The following IGSF11 variants were observed in gnomAD, a reference collection of about 807,000 sequenced individuals.
The protein encoded by IGSF11 is immunoglobulin superfamily member 11.
IGSF11 carries 22 observed loss-of-function variants against 41.0 expected under a neutral mutation model. The observed-to-expected ratio is 0.54, with a 90% CI of 0.38 to 0.77. The LOEUF is 0.77. Ranked by LOEUF, IGSF11 falls within the 30% of genes least tolerant of loss-of-function variation. The pLI is 0.00. For synonymous variants in IGSF11, 219 were observed against 201.3 expected (o/e 1.09, Z -0.74); for missense variants, 444 against 530.8 (o/e 0.84, Z 1.61).
At chr3:119,114,735 C>A (rs1442110940) in intron 1 of IGSF11, among the ~76,000 whole-genome samples, 1 of 152,192 alleles carries the variant, frequency 6.6e-6, no homozygotes, top group South Asian at 2.1e-4. Context: ...TTCAAAGTTG[C>A]TTCCACATTT....
intron 1 of IGSF11, among the ~76,000 whole-genome samples, chr3:119,056,717 G>C (rs188432316): frequency 2.0e-5 from 3 of 152,178 alleles, no homozygotes; most frequent in Admixed American, 6.5e-5. Context: ...CATGCAAAAA[G>C]TCTCAATAAA....
At chr3:118,999,874 G>A (rs1230775688) in intron 1 of IGSF11, among the ~76,000 whole-genome samples, 2 of 151,972 alleles carry the variant, frequency 1.3e-5, no homozygotes, top group African/African-American at 4.8e-5. Flanking sequence ...AACAAAGCAA[G>A]ATGACTAGAG....
At chr3:119,068,364 T>C (rs2107462850) in intron 1 of IGSF11, among the ~76,000 whole-genome samples, 1 of 152,312 alleles carries the variant, frequency 6.6e-6, no homozygotes, top group East Asian at 1.9e-4. Flanking sequence ...GAAAACTTCA[T>C]AGCAAAGAAA....
chr3:118,972,284 C>T (rs1933535688), intron 1 of IGSF11, among the ~76,000 whole-genome samples: 1 of 152,110 alleles, frequency 6.6e-6, no homozygotes, highest in South Asian at 2.1e-4. Flanking sequence ...AGTACTGTAA[C>T]CTAAAAAGCA....
intron 1 of IGSF11, among the ~76,000 whole-genome samples, chr3:118,983,748 A>C (rs1372920665): frequency 6.6e-6 from 1 of 152,200 alleles, no homozygotes; most frequent in African/African-American, 2.4e-5. Flanking sequence ...GAGCCTAAGC[A>C]ATTTTCCACT....
intron 4 of IGSF11, among the ~76,000 whole-genome samples, chr3:118,918,570 C>T (rs201860331): frequency 0.068 from 9,015 of 131,796 alleles, 176 homozygotes; most frequent in East Asian, 0.098. Context: ...AGGACCTCTT[C>T]GAGGAGAACT....
intron 4 of IGSF11, among the ~76,000 whole-genome samples, chr3:118,912,861 C>T (rs1940510424): frequency 1.3e-5 from 2 of 152,010 alleles, no homozygotes; most frequent in Admixed American, 1.3e-4. Flanking sequence ...TAGCCAGGTG[C>T]TGTGGCTCAC....
chr3:118,973,882 A>AT (rs1306099636), intron 1 of IGSF11, among the ~76,000 whole-genome samples: 1 of 152,160 alleles, frequency 6.6e-6, no homozygotes, highest in Non-Finnish European at 1.5e-5. Flanking sequence ...GTTCTCACTT[A>AT]TAAGTGGGAG....
chr3:118,924,129 T>C (rs933791076), intron 4 of IGSF11, among the ~76,000 whole-genome samples: 4 of 152,128 alleles, frequency 2.6e-5, no homozygotes, highest in Non-Finnish European at 4.4e-5. Flanking sequence ...TATTTATCAG[T>C]AGGGATTTGG....
intron 1 of IGSF11, among the ~76,000 whole-genome samples, chr3:119,004,541 T>C (rs1026996981): frequency 1.4e-5 from 2 of 140,718 alleles, no homozygotes; most frequent in Non-Finnish European, 3.0e-5. Flanking sequence ...TCTAGTTCTT[T>C]TAATTGTGAT....
At chr3:118,945,924 C>A (rs952103808) in intron 1 of IGSF11, 1 of 152,040 alleles carries the variant, frequency 6.6e-6, no homozygotes, top group Non-Finnish European at 1.5e-5. Context: ...AGAATTAGCT[C>A]CTCTGTGTAA....
chr3:119,033,928 G>T (rs1431347353), intron 1 of IGSF11, among the ~76,000 whole-genome samples: 1 of 152,146 alleles, frequency 6.6e-6, no homozygotes, highest in Non-Finnish European at 1.5e-5. Flanking sequence ...TATTTATTTT[G>T]TTCTAATATT....
chr3:119,081,648 T>A (rs2076587797), intron 1 of IGSF11, among the ~76,000 whole-genome samples: 1 of 152,234 alleles, frequency 6.6e-6, no homozygotes, highest in Non-Finnish European at 1.5e-5. Flanking sequence ...CACATTACTT[T>A]ACCACAGGGA....
At chr3:119,107,194 A>G (rs1304939872), upstream of IGSF11, among the ~76,000 whole-genome samples, 4 of 152,230 alleles carry the variant, frequency 2.6e-5, no homozygotes, top group Non-Finnish European at 5.9e-5. Flanking sequence ...ACTAGTTTAC[A>G]GTCCCACCAA....
At chr3:119,113,597 C>T (rs1226129492) in intron 1 of IGSF11, among the ~76,000 whole-genome samples, 1 of 152,218 alleles carries the variant, frequency 6.6e-6, no homozygotes, top group Non-Finnish European at 1.5e-5. Flanking sequence ...CTGCAAGGTA[C>T]AGCCCCCATG....
chr3:118,954,207 G>A lies in IGSF11; in HGVS notation c.53-23932C>T, dbSNP rs191815999. On this transcript the variant is annotated intron_variant, in intron 1 of 6. Transcript: ENST00000393775. Reference sequence around the variant, plus strand: ...TTTTCTTTGCTTTGTTGAAGATCAGGTGGTTGTAAGTATTTGGCTTTATTT... The same window carrying A: ...TTTTCTTTGCTTTGTTGAAGATCAGATGGTTGTAAGTATTTGGCTTTATTT... Among the ~76,000 whole-genome samples the A allele has an allele frequency of 1.1e-3, 171 of 152,056 alleles. 2 individuals carry two copies. Among genetic ancestry groups the A allele is most frequent in the African/African-American group, 4.1e-3 (169 of 41,498 alleles).
chr3:118,958,761 A>G (rs933291732), intron 1 of IGSF11, among the ~76,000 whole-genome samples: 2 of 152,228 alleles, frequency 1.3e-5, no homozygotes, highest in East Asian at 3.8e-4. Flanking sequence ...TTTATAATAG[A>G]TGTTCTTCAA....
intron 4 of IGSF11, among the ~76,000 whole-genome samples, chr3:118,912,586 G>T (rs1940465074): frequency 6.6e-6 from 1 of 151,952 alleles, no homozygotes. Flanking sequence ...AGAGCTGTTG[G>T]CAGAAACAAA....
At chr3:119,044,234 A>G (rs1424859331) in intron 1 of IGSF11, among the ~76,000 whole-genome samples, 1 of 152,188 alleles carries the variant, frequency 6.6e-6, no homozygotes, top group East Asian at 1.9e-4. Context: ...ACTTCTGAAA[A>G]TGAAAGACAT....
Sources: allele counts gnomAD v4.1 joint callset (sites outside exome capture counted in the v4.1 genomes callset), GRCh38; gene constraint gnomAD v4.1.1; transcripts MANE v1.5; gene names NCBI Gene and HGNC (gene_info 2026-07-23, HGNC 2026-07-21).